Variants in SPMIP3 observed in about 807,000 individuals in gnomAD.
The protein encoded by SPMIP3 is sperm microtubule inner protein 3.
the SPMIP3 span, among the ~76,000 whole-genome samples, chr1:244,369,150 C>T: frequency 6.6e-6 from 1 of 151,964 alleles, no homozygotes; most frequent in Non-Finnish European, 1.5e-5. Context: ...CAGAGCCAGA[C>T]TCCGTCTCAA....
the SPMIP3 span, among the ~76,000 whole-genome samples, chr1:244,364,295 C>T: frequency 1.1e-4 from 17 of 151,812 alleles, no homozygotes; most frequent in African/African-American, 3.1e-4. Flanking sequence ...TTAGTAAAGA[C>T]GGGGTTTCAC....
At chr1:244,379,564 C>T in the SPMIP3 span, among the ~76,000 whole-genome samples, 1 of 152,160 alleles carries the variant, frequency 6.6e-6, no homozygotes, top group Non-Finnish European at 1.5e-5. Flanking sequence ...CCTAAACATA[C>T]TGTTAAGGGA....
chr1:244,365,850 C>T, the SPMIP3 span, among the ~76,000 whole-genome samples: 5 of 152,198 alleles, frequency 3.3e-5, no homozygotes, highest in Non-Finnish European at 5.9e-5. Context: ...TTTTACTCTG[C>T]TTGTGGGAAA....
chr1:244,364,576 C>A, the SPMIP3 span: 1 of 903,470 alleles, frequency 1.1e-6, no homozygotes, highest in South Asian at 1.4e-5. Flanking sequence ...TCTACCATGT[C>A]AAATATTTTT....
the SPMIP3 span, among the ~76,000 whole-genome samples, chr1:244,377,237 T>C: frequency 6.6e-6 from 1 of 152,036 alleles, no homozygotes; most frequent in Non-Finnish European, 1.5e-5. Context: ...TTCTCCTGCC[T>C]CAGCCTCCCG....
At chr1:244,374,949 T>A in the SPMIP3 span, among the ~76,000 whole-genome samples, 1 of 152,178 alleles carries the variant, frequency 6.6e-6, no homozygotes, top group African/African-American at 2.4e-5. Context: ...GTTTTATTTA[T>A]TTATTTCTTA....
At chr1:244,383,328 G>A in the SPMIP3 span, among the ~76,000 whole-genome samples, 13 of 151,996 alleles carry the variant, frequency 8.6e-5, no homozygotes, top group Admixed American at 2.0e-4. Flanking sequence ...CCTGGGCGAC[G>A]CAGTGAGAAC....
the SPMIP3 span, among the ~76,000 whole-genome samples, chr1:244,377,264 G>T: frequency 1.3e-5 from 2 of 152,062 alleles, no homozygotes; most frequent in Non-Finnish European, 2.9e-5. Flanking sequence ...TGGGACTACA[G>T]GCACCCGCCA....
the SPMIP3 span, among the ~76,000 whole-genome samples, chr1:244,355,172 T>C: frequency 6.6e-6 from 1 of 152,168 alleles, no homozygotes. Flanking sequence ...AAACTTGTGG[T>C]TTAACACTTT....
At chr1:244,372,987 C>T in the SPMIP3 span, among the ~76,000 whole-genome samples, 1 of 152,126 alleles carries the variant, frequency 6.6e-6, no homozygotes, top group African/African-American at 2.4e-5. Context: ...CCTATCCTCT[C>T]CATCCACATT....
the SPMIP3 span, among the ~76,000 whole-genome samples, chr1:244,365,964 A>G: frequency 1.8e-4 from 28 of 152,118 alleles, no homozygotes; most frequent in Non-Finnish European, 3.8e-4. Context: ...CAAGAATAAC[A>G]AGCCCTAGAT....
the SPMIP3 span, chr1:244,375,230 ATTCCATGGGT>A: frequency 1.7e-6 from 1 of 574,520 alleles, no homozygotes; most frequent in African/African-American, 1.9e-5. Context: ...TTATCAGGAA[ATTCCATGGGT>A]TTTAGGGGCT....
At chr1:244,354,864 CT>C in the SPMIP3 span, among the ~76,000 whole-genome samples, 1 of 152,222 alleles carries the variant, frequency 6.6e-6, no homozygotes, top group South Asian at 2.1e-4. Context: ...GCCACCTCAG[CT>C]GCCTGGAAGG....
the SPMIP3 span, among the ~76,000 whole-genome samples, chr1:244,363,021 G>T: frequency 0.67 from 94,669 of 141,324 alleles, 32,797 homozygotes; most frequent in Admixed American, 0.77. Flanking sequence ...TTTTTTTGTT[G>T]TTGTATTTTT....
chr1:244,381,582 C>G, the SPMIP3 span, among the ~76,000 whole-genome samples: 1 of 152,182 alleles, frequency 6.6e-6, no homozygotes, highest in African/African-American at 2.4e-5. Context: ...AACTCACAAT[C>G]CAGTTGGGAA....
chr1:244,385,819 A>C, the SPMIP3 span, among the ~76,000 whole-genome samples: 1 of 152,164 alleles, frequency 6.6e-6, no homozygotes, highest in Non-Finnish European at 1.5e-5. Context: ...TTAATTTCTA[A>C]AATCGGTGCA....
At chr1:244,373,717 G>A in the SPMIP3 span, among the ~76,000 whole-genome samples, 1 of 151,652 alleles carries the variant, frequency 6.6e-6, no homozygotes, top group South Asian at 2.1e-4. Context: ...TTTTGCCATT[G>A]AAAGTAAAGT....
chr1:244,385,456 T>C, the SPMIP3 span, among the ~76,000 whole-genome samples: 3 of 152,202 alleles, frequency 2.0e-5, no homozygotes, highest in Non-Finnish European at 4.4e-5. Flanking sequence ...AGAGAATTCA[T>C]AGCCTGGGAG....
the SPMIP3 span, among the ~76,000 whole-genome samples, chr1:244,361,564 T>A: frequency 1.2e-4 from 18 of 152,164 alleles, no homozygotes; most frequent in African/African-American, 4.3e-4. Flanking sequence ...AAAGTGGAAT[T>A]AGAATGTTCC....
Sources: gnomAD v4.1 joint callset for allele counts (sites outside exome capture counted in the v4.1 genomes callset) on GRCh38, gnomAD v4.1.1 for gene constraint, MANE v1.5 for transcripts, NCBI Gene and HGNC (gene_info 2026-07-23, HGNC 2026-07-21) for gene names.